Variants in RALYL observed in about 807,000 individuals in gnomAD.
RALYL encodes the protein RNA-binding Raly-like protein.
RALYL carries 29 observed loss-of-function variants against 35.1 expected under a neutral mutation model. That is an observed-to-expected ratio of 0.83 (90% CI 0.61 to 1.13). The LOEUF (loss-of-function observed/expected upper bound fraction) is 1.13. RALYL is among the 50% of genes most tolerant of loss of function. The pLI is 0.00. For missense variants in RALYL, 359 were observed against 360.4 expected (o/e 1.00, Z 0.03); for synonymous variants, 120 against 127.6 (o/e 0.94, Z 0.40).
rs532014494 is a variant in RALYL, at chr8:84,697,691, A to G, written c.257-76888A>G. 2.0e-5 allele frequency among the ~76,000 whole-genome samples: 3 copies of G among 152,146 alleles called. No individual in the cohort carries two copies. In the South Asian group the frequency reaches 6.2e-4, roughly 32 times the overall value. ...GTACAGATTATTTCATCACCCAGGT[A>G]TTAAGCCTAGTACCTATTAGTTATT... is the stretch of plus-strand genomic sequence containing the variant. On this transcript the variant is annotated intron_variant, in intron 2 of 8. Coordinates refer to ENST00000521268, the MANE Select transcript of RALYL (RefSeq NM_173848.7).
At chr8:84,455,118 C>T (rs1351223) in intron 1 of RALYL, among the ~76,000 whole-genome samples, 61,588 of 151,836 alleles carry the variant, frequency 0.41, 12,539 homozygotes, top group South Asian at 0.53. Flanking sequence ...GATTGGGGAA[C>T]AGTTCTGAAG....
In RALYL at chr8:84,544,048, AT is replaced by A. The variant is rs555346279; in HGVS notation, c.256+14477del. 5.3e-5 allele frequency among the ~76,000 whole-genome samples: 8 copies of A among 152,120 alleles called. No homozygotes were observed. The South Asian group carries it at 1.7e-3, about 32-fold the overall frequency. ...TATGATATCTGAAAAGAGTTTAATA[AT>A]TTTTTATTTGAGGGCTGCAGAATAT... On this transcript the variant is annotated intron_variant, in intron 2 of 8. Transcript: ENST00000521268.
chr8:84,206,659 T>C (rs1395313062), intron 1 of RALYL, among the ~76,000 whole-genome samples: 1 of 152,034 alleles, frequency 6.6e-6, no homozygotes, highest in Non-Finnish European at 1.5e-5. Context: ...ACTATCTGAG[T>C]GGAGGTGATA....
chr8:84,342,381 C>T (rs1849024867), intron 1 of RALYL, among the ~76,000 whole-genome samples: 1 of 146,346 alleles, frequency 6.8e-6, no homozygotes, highest in South Asian at 2.1e-4. Context: ...AAGGCATCAG[C>T]ACAGTCCACC....
intron 2 of RALYL, among the ~76,000 whole-genome samples, chr8:84,637,919 G>T (rs888516289): frequency 1.3e-5 from 2 of 151,818 alleles, no homozygotes; most frequent in African/African-American, 4.8e-5. Context: ...GAGGGATGTG[G>T]TGCTTCAAAG....
At chr8:84,289,292 TA>T (rs1838295715) in intron 1 of RALYL, among the ~76,000 whole-genome samples, 2 of 152,082 alleles carry the variant, frequency 1.3e-5, no homozygotes, top group South Asian at 4.1e-4. Context: ...AATATTTACA[TA>T]AGGGCATAGG....
chr8:84,603,340 AAT>A (rs921569452), intron 2 of RALYL, among the ~76,000 whole-genome samples: 2 of 152,118 alleles, frequency 1.3e-5, no homozygotes, highest in African/African-American at 4.8e-5. Flanking sequence ...TATTATAATT[AAT>A]ATTACCTAAA....
chr8:84,259,909 TG>T (rs1271307392), intron 1 of RALYL, among the ~76,000 whole-genome samples: 1 of 152,208 alleles, frequency 6.6e-6, no homozygotes, highest in Non-Finnish European at 1.5e-5. Flanking sequence ...GAGACCAGGC[TG>T]TTGCAATTTG....
At chr8:84,871,002 C>G (rs559830025) in intron 6 of RALYL, among the ~76,000 whole-genome samples, 59 of 152,254 alleles carry the variant, frequency 3.9e-4, no homozygotes, top group African/African-American at 1.4e-3. Context: ...TTGCTGCCCC[C>G]CCATTCTAAG....
At position 84,624,565 on chromosome 8, in the gene RALYL, T is replaced by C. The variant is rs553966938; in HGVS notation, c.256+94988T>C. ...AAGGTTCTCTGCTTTTAAGGATGCA[T>C]GTGATTAGATTGAGCACTTCTGGAT... On this transcript the variant is annotated intron_variant, in intron 2 of 8. Transcript: ENST00000521268. Among the ~76,000 whole-genome samples the C allele has an allele frequency of 3.1e-4, 47 of 152,318 alleles. No homozygotes were observed. The South Asian group carries it at 9.6e-3, about 31-fold the overall frequency.
In RALYL at chr8:84,362,524, G is replaced by A. The variant is rs150639371; in HGVS notation, c.-23-166775G>A. Among the ~76,000 whole-genome samples the A allele has an allele frequency of 7.9e-3, 1,204 of 152,234 alleles. 17 individuals carry two copies. The highest frequency in any genetic ancestry group is 0.027 in the African/African-American group (1,142 of 41,530). ...AGCATTACCCACTGAGCTCTGCCTC[G>A]TGTGAGATCAGTGGCATTAGATTCT... On this transcript the variant is annotated intron_variant, in intron 1 of 8. Transcript: ENST00000521268.
chr8:84,201,042 G>T (rs765045980), intron 1 of RALYL, among the ~76,000 whole-genome samples: 10 of 152,130 alleles, frequency 6.6e-5, no homozygotes, highest in Non-Finnish European at 1.5e-4. Context: ...GGAGCTGATG[G>T]TGATAAATTT....
chr8:84,369,022 AG>A (rs1384787361), intron 1 of RALYL, among the ~76,000 whole-genome samples: 1 of 152,212 alleles, frequency 6.6e-6, no homozygotes, highest in Non-Finnish European at 1.5e-5. Context: ...AAAAGGTTTT[AG>A]GCTTGAGCTA....
intron 1 of RALYL, among the ~76,000 whole-genome samples, chr8:84,212,667 A>T (rs567322509): frequency 6.6e-6 from 1 of 152,178 alleles, no homozygotes; most frequent in Admixed American, 6.6e-5. Context: ...GGTAAAGCAA[A>T]TGTGAGCAAT....
intron 3 of RALYL, among the ~76,000 whole-genome samples, chr8:84,784,793 G>C (rs1818991870): frequency 1.3e-5 from 2 of 152,076 alleles, no homozygotes; most frequent in African/African-American, 4.8e-5. Context: ...GAAGGCAAAA[G>C]GGAACACCAC....
intron 1 of RALYL, among the ~76,000 whole-genome samples, chr8:84,428,096 TCTCTCTCTCTCA>T (rs1178504070): frequency 1.5e-5 from 2 of 134,610 alleles, no homozygotes; most frequent in Non-Finnish European, 3.2e-5. Flanking sequence ...TCTCTCTCTC[TCTCTCTCTCTCA>T]CACACACACA....
At position 84,507,288 on chromosome 8, in the gene RALYL, A is replaced by G. The variant is rs529062000; in HGVS notation, c.-23-22011A>G. Among the ~76,000 whole-genome samples, 32 of 152,232 alleles carry G rather than the reference A, an allele frequency of 2.1e-4. No individual in the cohort carries two copies. The Middle Eastern group carries it at 0.014, about 65-fold the overall frequency. ...GCAGGTACACAGAATTAAATTCATA[A>G]TAATTCTGGGTTTGTGAAACATGAA... On this transcript the variant is annotated intron_variant, in intron 1 of 8. Transcript: ENST00000521268.
intron 1 of RALYL, among the ~76,000 whole-genome samples, chr8:84,426,988 G>C (rs918248996): frequency 1.1e-4 from 16 of 152,194 alleles, no homozygotes; most frequent in African/African-American, 2.9e-4. Context: ...AAAGATACCT[G>C]CACTCCCATG....
At chr8:84,876,775 G>GACTT (rs1236911726) in intron 7 of RALYL, among the ~76,000 whole-genome samples, 3 of 152,144 alleles carry the variant, frequency 2.0e-5, no homozygotes, top group Non-Finnish European at 2.9e-5. Context: ...TGGGATGTTA[G>GACTT]ACTTACGTCT....
Sources: allele counts gnomAD v4.1 joint callset (sites outside exome capture counted in the v4.1 genomes callset), GRCh38; gene constraint gnomAD v4.1.1; transcripts MANE v1.5; gene names NCBI Gene and HGNC (gene_info 2026-07-23, HGNC 2026-07-21).